PPP2R3C: variants seen among roughly 807,000 people sequenced by gnomAD.
The protein encoded by PPP2R3C is protein phosphatase 2 regulatory subunit B''gamma, also known as serine/threonine-protein phosphatase 2A regulatory subunit B'' subunit gamma.
In PPP2R3C, 47 loss-of-function variants were observed where a neutral mutation model predicts 63.7. The observed-to-expected ratio is 0.74, with a 90% CI of 0.58 to 0.94. PPP2R3C has a LOEUF of 0.94. Among genes scored for constraint, PPP2R3C ranks in the 40% least tolerant of loss-of-function variants. PPP2R3C has a pLI of 0.00. For missense variants in PPP2R3C, 421 were observed against 518.4 expected, an observed-to-expected ratio of 0.81 and a Z score of 1.82; for synonymous variants, 180 against 177.4, an observed-to-expected ratio of 1.01 and a Z score of -0.12.
At chr14:35,109,572 A>G (rs538566223) in intron 4 of PPP2R3C, among the ~76,000 whole-genome samples, 2 of 151,872 alleles carry the variant, frequency 1.3e-5, no homozygotes, top group South Asian at 2.1e-4. Context: ...GGCTCAAGCA[A>G]TTCTCCCACC....
intron 6 of PPP2R3C, among the ~76,000 whole-genome samples, chr14:35,103,303 G>A (rs1320000553): frequency 6.6e-6 from 1 of 152,082 alleles, no homozygotes; most frequent in Admixed American, 6.6e-5. Flanking sequence ...CCTAGAACAG[G>A]TCCAGGCTTA....
In PPP2R3C at chr14:35,096,722, T is replaced by C. The variant is rs760966805; in HGVS notation, c.749A>G (p.Asp250Gly). 1.3e-6 allele frequency: 2 copies of C among 1,599,898 alleles called. No homozygotes were observed. The highest frequency in any genetic ancestry group is 2.2e-5 in the East Asian group (1 of 44,722). ...AAAAACATTTACCTCCAATAAATCA[T>C]CTAGGAAGCTGCATGCTAAAATATC... ...IQDILACSFL[D>G]DLLELRDEEL... Residue 250 changes from aspartate (D) to glycine (G), a missense_variant, in exon 8 of 13, where the codon GAT (aspartate) becomes GGT (glycine). Asp to Gly is a moderately conservative substitution (Grantham distance 94). Coordinates refer to ENST00000261475, the MANE Select transcript of PPP2R3C (RefSeq NM_017917.4).
rs572542645 is a variant in PPP2R3C at position 35,104,241 on chromosome 14, T to C, written c.573+3063A>G. Among the ~76,000 whole-genome samples, 250 of 121,282 alleles carry C rather than the reference T, an allele frequency of 2.1e-3. No homozygotes were observed. The South Asian group carries it at 0.026, about 12-fold the overall frequency. The allele number at this position is 121,282 out of a possible 152,430, so 79.6% of individuals were successfully genotyped here. On this transcript the variant is annotated intron_variant, in intron 6 of 12. Coordinates refer to ENST00000261475, the MANE Select transcript of PPP2R3C (RefSeq NM_017917.4). Reference sequence around the variant, plus strand: ...TCTTCCTTGCCAGAAGCAAGAGCCTTTTATTCTCAAGTTGGTCTGAACCTT... The same window carrying C: ...TCTTCCTTGCCAGAAGCAAGAGCCTCTTATTCTCAAGTTGGTCTGAACCTT...
At chr14:35,121,781 G>C in intron 1 of PPP2R3C, 121 bp downstream of exon 1, 1 of 1,115,526 alleles carries the variant, frequency 9.0e-7, no homozygotes, top group Non-Finnish European at 1.3e-6. Flanking sequence ...CGCCTCCTTT[G>C]TCGGGAGGTT....
At chr14:35,094,953 C>T in intron 10 of PPP2R3C, 95 bp downstream of exon 10, 1 of 1,131,244 alleles carries the variant, frequency 8.8e-7, no homozygotes, top group Non-Finnish European at 1.2e-6. Flanking sequence ...GACTCTGTCT[C>T]AAAAAAAAAA....
chr14:35,108,043 G>C, intron 5 of PPP2R3C, 96 bp downstream of exon 5: 1 of 1,459,514 alleles, frequency 6.9e-7, no homozygotes, highest in Non-Finnish European at 9.1e-7. Context: ...TTCAAACTTA[G>C]AGTGATTTCA....
chr14:35,107,920 T>C (rs2046413116), intron 5 of PPP2R3C: 2 of 469,050 alleles, frequency 4.3e-6, no homozygotes, highest in South Asian at 1.1e-4. Flanking sequence ...GCTCTTAATA[T>C]TTCTAGTCTA....
At chr14:35,092,833 A>G (rs1465054711) in intron 10 of PPP2R3C, among the ~76,000 whole-genome samples, 1 of 152,182 alleles carries the variant, frequency 6.6e-6, no homozygotes, top group Non-Finnish European at 1.5e-5. Flanking sequence ...GATTTCCAAT[A>G]AGAAGCTGTC....
At chr14:35,087,848 A>G (rs2045659929) in intron 12 of PPP2R3C, 103 bp downstream of exon 12, 1 of 880,766 alleles carries the variant, frequency 1.1e-6, no homozygotes. Flanking sequence ...CAAACACTTG[A>G]TTCAAATAGT....
chr14:35,086,720 ACT>A (rs1233486193), intron 12 of PPP2R3C: 1 of 148,686 alleles, frequency 6.7e-6, no homozygotes, highest in African/African-American at 2.5e-5. Flanking sequence ...CTGGTCTTGA[ACT>A]CCCGACCTCA....
chr14:35,101,800 G>T (rs1262301220), intron 6 of PPP2R3C: 2 of 152,074 alleles, frequency 1.3e-5, no homozygotes, highest in Non-Finnish European at 2.9e-5. Context: ...CTTTCTTCTT[G>T]ATTTCTGGGA....
chr14:35,092,731 T>A (rs1048940904), intron 10 of PPP2R3C, among the ~76,000 whole-genome samples: 2 of 152,162 alleles, frequency 1.3e-5, no homozygotes, highest in African/African-American at 4.8e-5. Flanking sequence ...CCTCCCAAAA[T>A]GCTAGGATTA....
intron 2 of PPP2R3C, among the ~76,000 whole-genome samples, chr14:35,113,494 G>C (rs186631692): frequency 6.6e-6 from 1 of 152,268 alleles, no homozygotes; most frequent in East Asian, 1.9e-4. Context: ...CCTGGGCTCA[G>C]GAACGGGGTC....
chr14:35,095,680 A>AC (rs67651744), intron 9 of PPP2R3C, among the ~76,000 whole-genome samples: 1 of 148,530 alleles, frequency 6.7e-6, no homozygotes, highest in Admixed American at 6.8e-5. Context: ...CTACTAAAAA[A>AC]AAAAACAAAA....
At chr14:35,100,951 T>G (rs1037691976) in intron 6 of PPP2R3C, 2 of 152,094 alleles carry the variant, frequency 1.3e-5, no homozygotes, top group Non-Finnish European at 2.9e-5. Context: ...TTTAAAAAAT[T>G]TTTTAAATCA....
intron 10 of PPP2R3C, among the ~76,000 whole-genome samples, chr14:35,093,509 T>C (rs559144430): frequency 6.8e-4 from 104 of 152,250 alleles, no homozygotes; most frequent in Admixed American, 1.6e-3. Flanking sequence ...TTTCTGTGCC[T>C]TTTCCCCTCT....
chr14:35,095,161 CT>C lies in PPP2R3C; in HGVS notation c.861del (p.Asp288IlefsTer19). On this transcript the variant is annotated frameshift_variant, in exon 10 of 13. Coordinates refer to ENST00000261475, the MANE Select transcript of PPP2R3C (RefSeq NM_017917.4). LOFTEE classifies it high-confidence loss of function. ...RVYGQYLNLD[K>X]DHNGMLSKEE... ...TCTTTACTGAGCATGCCATTGTGAT[CT>C]TTATCAAGATTCAAGTACTGGCCTT... 6.2e-7 allele frequency: 1 copy of C among 1,613,680 alleles called. No homozygotes were observed. The highest frequency in any genetic ancestry group is 8.5e-7 in the Non-Finnish European group (1 of 1,179,660).
rs1236178381 is a variant in PPP2R3C, at chr14:35,108,372, C to T, written c.405-136G>A. On this transcript the variant is annotated intron_variant, in intron 4 of 12. Transcript: ENST00000261475. ...ATAGAGACTCCTTATAATTCAAAAA[C>T]TTAAAATATTAAGTCAAACTTTTTT... 7 of 1,136,148 alleles carry T rather than the reference C, an allele frequency of 6.2e-6. No individual in the cohort carries two copies. The East Asian group carries it at 1.3e-4, about 21-fold the overall frequency. 70.4% of individuals were successfully genotyped at this position (1,136,148 alleles called of 1,614,324 possible).
At chr14:35,106,194 T>C (rs72664811) in intron 6 of PPP2R3C, among the ~76,000 whole-genome samples, 3,374 of 152,230 alleles carry the variant, frequency 0.022, 54 homozygotes, top group Middle Eastern at 0.051. Flanking sequence ...TTTTACAAAA[T>C]GGGGTTATAG....
Sources: allele counts gnomAD v4.1 joint callset (sites outside exome capture counted in the v4.1 genomes callset), GRCh38; gene constraint gnomAD v4.1.1; transcripts MANE v1.5; gene names NCBI Gene and HGNC (gene_info 2026-07-23, HGNC 2026-07-21).